LRRC8A: variants seen among roughly 807,000 people sequenced by gnomAD.
LRRC8A encodes leucine rich repeat containing 8 VRAC subunit A, also known as volume-regulated anion channel subunit LRRC8A.
LRRC8A carries 24 observed loss-of-function variants against 52.5 expected under a neutral mutation model. The observed-to-expected ratio is 0.46, with a 90% CI of 0.33 to 0.64. The LOEUF (loss-of-function observed/expected upper bound fraction) is 0.64, where lower values mean the gene tolerates loss of function less well. Ranked by LOEUF, LRRC8A falls within the 30% of genes least tolerant of loss-of-function variation. The pLI, the probability that LRRC8A is intolerant of heterozygous loss-of-function variation, is 0.02. For synonymous variants in LRRC8A, 492 were observed against 494.2 expected (o/e 1.00, Z 0.06); for missense variants, 677 against 1,094.7 (o/e 0.62, Z 5.38).
chr9:128,906,298 T>C (rs1840245608), intron 2 of LRRC8A, among the ~76,000 whole-genome samples: 1 of 147,526 alleles, frequency 6.8e-6, no homozygotes, highest in Admixed American at 6.8e-5. Context: ...TGAGCCACCA[T>C]GCCAGCCCCC....
chr9:128,882,786 G>A, intron 1 of LRRC8A: 1 of 398,902 alleles, frequency 2.5e-6, no homozygotes, highest in East Asian at 3.6e-5. Flanking sequence ...GCCTTTCTGG[G>A]ATGGGATATT....
At chr9:128,889,475 G>A (rs903713135) in intron 2 of LRRC8A, among the ~76,000 whole-genome samples, 1 of 143,576 alleles carries the variant, frequency 7.0e-6, no homozygotes, top group Non-Finnish European at 1.5e-5. Context: ...GACTGGACAG[G>A]TTTTTTTTTT....
At position 128,907,500 on chromosome 9, in the gene LRRC8A, G is replaced by A; in HGVS notation, c.336G>A (p.Val112=). The stretch of plus-strand genomic sequence containing the variant: ...ACCAGTACAACTACGTGGACGCTGT[G>A]TGCTATGAGAACCGACTGCACTGGT... ...DRHQYNYVDA[V]CYENRLHWFA... The change falls in exon 3 of 4, where the codon GTG becomes GTA. Residue 112 remains valine (V), a synonymous_variant. Coordinates refer to ENST00000372600, the MANE Select transcript of LRRC8A (RefSeq NM_019594.4). This position sits in a 1 kb window ranked among gnomAD's most constrained non-coding sequence, Gnocchi z 9.3. 1 of 1,614,112 alleles carries A rather than the reference G, an allele frequency of 6.2e-7. No homozygotes were observed. The highest frequency in any genetic ancestry group is 8.5e-7 in the Non-Finnish European group (1 of 1,180,046).
At chr9:128,885,014 C>G (rs755104665) in intron 1 of LRRC8A, 1 of 152,386 alleles carries the variant, frequency 6.6e-6, no homozygotes, top group Admixed American at 6.5e-5. Flanking sequence ...GTGTCTTTGT[C>G]TACCCCCGCC....
rs756949846 is a variant in LRRC8A, at chr9:128,907,939, A to G, written c.775A>G (p.Ile259Val). The G allele has an allele frequency of 3.1e-6, 5 of 1,614,138 alleles. No individual in the cohort carries two copies. In the South Asian group the frequency reaches 3.3e-5, roughly 11 times the overall value. The change falls in exon 3 of 4, where the codon ATT becomes GTT. Residue 259 changes from isoleucine to valine, a missense_variant. This residue lies in a region of LRRC8A where 422 missense variants were observed against 741.5 expected (regional missense o/e 0.57). Coordinates refer to ENST00000372600, the MANE Select transcript of LRRC8A (RefSeq NM_019594.4). This position sits in a 1 kb window ranked among gnomAD's most constrained non-coding sequence, Gnocchi z 9.3. ...KFRTHVEEGD[I>V]VYRLYMRQTI... ...CCGGACCCATGTGGAGGAGGGGGACATTGTGTACCGCCTCTACATGCGGCA... is the reference window on the plus strand; with the variant it reads ...CCGGACCCATGTGGAGGAGGGGGACGTTGTGTACCGCCTCTACATGCGGCA...
intron 3 of LRRC8A, among the ~76,000 whole-genome samples, chr9:128,912,573 A>G (rs1840603764): frequency 6.6e-6 from 1 of 151,950 alleles, no homozygotes; most frequent in Non-Finnish European, 1.5e-5. Flanking sequence ...TCATTTGTTT[A>G]ACAGCCGATC....
Position 128,909,079 on chromosome 9 carries a change from C to T in LRRC8A, c.1915C>T (p.His639Tyr). 1 of 1,614,138 alleles carries T rather than the reference C, an allele frequency of 6.2e-7. No homozygotes were observed. Among genetic ancestry groups the T allele is most frequent in the Non-Finnish European group, 8.5e-7 (1 of 1,180,026 alleles). ...GGAGATCATCAGCTTCCAGCACCTG[C>T]ACCGCCTCACCTGCCTTAAGCTGTG... Reference protein sequence around the residue: ...IEEIISFQHLHRLTCLKLWYN... With the variant: ...IEEIISFQHLYRLTCLKLWYN... Residue 639 changes from histidine to tyrosine, a missense_variant, in exon 3 of 4, where the codon CAC becomes TAC. Physicochemically the swap from His to Tyr is moderately conservative, Grantham distance 83 (BLOSUM62 2). Coordinates refer to ENST00000372600, the MANE Select transcript of LRRC8A (RefSeq NM_019594.4).
chr9:128,914,562 G>A (rs1023583150), intron 3 of LRRC8A, among the ~76,000 whole-genome samples: 2 of 152,180 alleles, frequency 1.3e-5, no homozygotes, highest in Non-Finnish European at 2.9e-5. Flanking sequence ...TGACCCTTTC[G>A]GAGAGGCTGC....
intron 2 of LRRC8A, among the ~76,000 whole-genome samples, chr9:128,894,820 T>G (rs1333770693): frequency 6.6e-6 from 1 of 151,962 alleles, no homozygotes; most frequent in African/African-American, 2.4e-5. Context: ...GATATCATAT[T>G]TCCTAATTTT....
At chr9:128,901,491 G>T (rs1481854785) in intron 2 of LRRC8A, among the ~76,000 whole-genome samples, 2 of 152,068 alleles carry the variant, frequency 1.3e-5, no homozygotes, top group Non-Finnish European at 2.9e-5. Context: ...CCCTAGTGTG[G>T]TGCTACATGC....
chr9:128,889,031 C>T (rs1193189351), intron 2 of LRRC8A, among the ~76,000 whole-genome samples: 1 of 152,110 alleles, frequency 6.6e-6, no homozygotes, highest in Non-Finnish European at 1.5e-5. Context: ...TGTGAGGTTG[C>T]TTTACCATTT....
At chr9:128,910,786 G>A (rs1840484330) in intron 3 of LRRC8A, among the ~76,000 whole-genome samples, 1 of 152,204 alleles carries the variant, frequency 6.6e-6, no homozygotes, top group African/African-American at 2.4e-5. Flanking sequence ...GAGCCAAATA[G>A]GAAAACCACT....
intron 2 of LRRC8A, among the ~76,000 whole-genome samples, chr9:128,894,174 C>T (rs955074482): frequency 1.3e-5 from 2 of 151,926 alleles, no homozygotes; most frequent in African/African-American, 4.8e-5. Context: ...AGCCACCGTG[C>T]CCAGCCATCA....
At position 128,909,803 on chromosome 9, in the gene LRRC8A, CTG is replaced by C. The variant is rs564097411; in HGVS notation, c.2157+487_2157+488del. On this transcript the variant is annotated intron_variant, in intron 3 of 3. Coordinates refer to ENST00000372600, the MANE Select transcript of LRRC8A (RefSeq NM_019594.4). ...AATCCGGGTCCACCCAGGACAGAAA[CTG>C]TGTGGGTGGCCAGTGCTGGCTGAGG... Among the ~76,000 whole-genome samples the C allele has an allele frequency of 1.9e-3, 293 of 152,346 alleles. 1 individual carries two copies. The highest frequency in any genetic ancestry group is 6.8e-3 in the African/African-American group (281 of 41,574).
rs1840509053 is a variant in LRRC8A at position 128,911,137 on chromosome 9, C to CTGGACAGACAGG, written c.2157+1818_2157+1819insGACAGACAGGTG. Among the ~76,000 whole-genome samples the CTGGACAGACAGG allele has an allele frequency of 6.6e-6, 1 of 152,158 alleles. No homozygotes were observed. Among genetic ancestry groups the CTGGACAGACAGG allele is most frequent in the African/African-American group, 2.4e-5 (1 of 41,436 alleles). ...GGAGGGAGGTGGCCCCTGGAATGCCCTGTCTGTCCTCCTGGGCCCCAGGAC... is the reference window on the plus strand; with the variant it reads ...GGAGGGAGGTGGCCCCTGGAATGCCCTGGACAGACAGGTGTCTGTCCTCCTGGGCCCCAGGAC... On this transcript the variant is annotated intron_variant, in intron 3 of 3. Coordinates refer to ENST00000372600, the MANE Select transcript of LRRC8A (RefSeq NM_019594.4). This position sits in a 1 kb window ranked among gnomAD's most constrained non-coding sequence, Gnocchi z 4.9.
chr9:128,910,634 G>A (rs1161275322), intron 3 of LRRC8A, among the ~76,000 whole-genome samples: 1 of 152,172 alleles, frequency 6.6e-6, no homozygotes, highest in Non-Finnish European at 1.5e-5. Context: ...AGACTGCAGT[G>A]AGCTATGGTT....
In LRRC8A at chr9:128,892,261, G is replaced by C. The variant is rs1331925051; in HGVS notation, c.-9+6140G>C. 6.6e-6 allele frequency among the ~76,000 whole-genome samples: 1 copy of C among 152,206 alleles called. No homozygotes were observed. Among genetic ancestry groups the C allele is most frequent in the Non-Finnish European group, 1.5e-5 (1 of 68,030 alleles). ...TAACTGGGCGCTCCTGCCCCAGCCT[G>C]GCAGGGCGAGGGCAGGTCCTGAGGC... On this transcript the variant is annotated intron_variant, in intron 2 of 3. Transcript: ENST00000372600. The surrounding 1 kb of genome is among the most constrained non-coding windows in gnomAD (Gnocchi z 5.2).
intron 1 of LRRC8A, among the ~76,000 whole-genome samples, chr9:128,884,646 G>C (rs1839318241): frequency 1.3e-5 from 2 of 152,304 alleles, no homozygotes; most frequent in South Asian, 4.1e-4. Flanking sequence ...TTCTGGAAGA[G>C]GAGGGACTAG....
chr9:128,908,937 G>A lies in LRRC8A; in HGVS notation c.1773G>A (p.Ala591=), dbSNP rs146318121. The change falls in exon 3 of 4, where the codon GCG becomes GCA. Residue 591 remains alanine (A), a synonymous_variant. Coordinates refer to ENST00000372600, the MANE Select transcript of LRRC8A (RefSeq NM_019594.4). ...LIVLNSLKKM[A]NLTELELIRC... ...TCCTCAACAGCCTCAAGAAGATGGCGAACCTGACTGAGCTGGAGCTGATCC... is the reference window on the plus strand; with the variant it reads ...TCCTCAACAGCCTCAAGAAGATGGCAAACCTGACTGAGCTGGAGCTGATCC... 39 of 1,613,940 alleles carry A rather than the reference G, an allele frequency of 2.4e-5. No individual in the cohort carries two copies. Among genetic ancestry groups the A allele is most frequent in the African/African-American group, 2.3e-4 (17 of 74,914 alleles).
Sources: allele counts gnomAD v4.1 joint callset (sites outside exome capture counted in the v4.1 genomes callset), GRCh38; gene constraint gnomAD v4.1.1; regional missense constraint gnomAD v4.1.1; non-coding constraint Gnocchi (gnomAD v3.1); transcripts MANE v1.5; gene names NCBI Gene and HGNC (gene_info 2026-07-23, HGNC 2026-07-21).